TSC22D2: variants seen among roughly 807,000 people sequenced by gnomAD.
The protein encoded by TSC22D2 is TSC22 domain family protein 2.
Under a neutral mutation model 50.1 loss-of-function variants are expected in TSC22D2, and 5 were observed. The observed-to-expected ratio is 0.10, with a 90% confidence interval of 0.05 to 0.21. The LOEUF (loss-of-function observed/expected upper bound fraction) is 0.21. Ranked by LOEUF, TSC22D2 falls within the 10% of genes least tolerant of loss-of-function variation. TSC22D2 has a pLI of 1.00. For synonymous variants in TSC22D2, 501 were observed against 450.1 expected (o/e 1.11, Z -1.43); for missense variants, 1,003 against 1,015.5 (o/e 0.99, Z 0.17).
intron 1 of TSC22D2, among the ~76,000 whole-genome samples, chr3:150,427,412 T>G (rs1367708896): frequency 6.6e-6 from 1 of 152,146 alleles, no homozygotes; most frequent in Non-Finnish European, 1.5e-5. Context: ...GTGTTTTGTG[T>G]CTGACCTCTT....
At position 150,466,190 on chromosome 3, in the gene TSC22D2, A is replaced by AC. The variant is rs1164662562; in HGVS notation, c.*7554_*7555insC. 1.7e-5 allele frequency: 2 copies of AC among 115,598 alleles called. No homozygotes were observed. Among genetic ancestry groups the AC allele is most frequent in the African/African-American group, 7.0e-5 (2 of 28,470 alleles). 7.2% of individuals were successfully genotyped at this position (115,598 alleles called of 1,614,324 possible). On this transcript the variant is annotated 3_prime_UTR_variant, in exon 3 of 3. Coordinates refer to ENST00000688009, the MANE Select transcript of TSC22D2 (RefSeq NM_001303264.2). ...TATGATACTAGTGATGTTAAATCAC[A>AC]TCACACACACACACACACACACACA...
At position 150,464,245 on chromosome 3, in the gene TSC22D2, A is replaced by G. The variant is rs959578632; in HGVS notation, c.*5609A>G. On this transcript the variant is annotated 3_prime_UTR_variant, in exon 3 of 3. Coordinates refer to ENST00000688009, the MANE Select transcript of TSC22D2 (RefSeq NM_001303264.2). ...CTTGCTGTCATTTCACAGGCATGCA[A>G]TGTATCTATAGATAGGTCATATCAT... is the stretch of plus-strand genomic sequence containing the variant. 2.0e-5 allele frequency: 3 copies of G among 152,102 alleles called. No homozygotes were observed. Among genetic ancestry groups the G allele is most frequent in the African/African-American group, 4.8e-5 (2 of 41,418 alleles). 9.4% of individuals were successfully genotyped at this position (152,102 alleles called of 1,614,324 possible).
Position 150,458,516 on chromosome 3 carries a change from A to G in TSC22D2, c.2151A>G (p.Gln717=), listed in dbSNP as rs150402478. 139 of 1,614,180 alleles carry G rather than the reference A, an allele frequency of 8.6e-5. No homozygotes were observed. The African/African-American group carries it at 1.3e-3, about 15-fold the overall frequency. The stretch of plus-strand genomic sequence containing the variant: ...TAAAATCTCTTTCAAGCAATGATCA[A>G]TTATCCCAACTCCCAACCCAACAGG... The part of the protein sequence containing the change: ...ALLKSLSSND[Q]LSQLPTQQAN... The change falls in exon 3 of 3, where the codon CAA becomes CAG. Residue 717 remains glutamine (Q), a synonymous_variant. Transcript: ENST00000688009.
intron 1 of TSC22D2, among the ~76,000 whole-genome samples, chr3:150,415,789 T>C (rs1425170582): frequency 6.6e-6 from 1 of 152,156 alleles, no homozygotes; most frequent in Non-Finnish European, 1.5e-5. Flanking sequence ...CACTGAAGCC[T>C]GGGCCACACA....
At chr3:150,431,345 A>G (rs1298820082) in intron 1 of TSC22D2, among the ~76,000 whole-genome samples, 5 of 152,052 alleles carry the variant, frequency 3.3e-5, no homozygotes, top group Admixed American at 6.5e-5. Flanking sequence ...ATAATTACCA[A>G]ATTCAGGGTA....
At chr3:150,417,333 G>A (rs1719849934) in intron 1 of TSC22D2, among the ~76,000 whole-genome samples, 2 of 152,072 alleles carry the variant, frequency 1.3e-5, no homozygotes, top group Admixed American at 1.3e-4. Flanking sequence ...AGTTTCTAAA[G>A]TAGAGTTAGT....
chr3:150,421,344 C>CA (rs545165349), intron 1 of TSC22D2, among the ~76,000 whole-genome samples: 61 of 146,028 alleles, frequency 4.2e-4, no homozygotes, highest in African/African-American at 7.8e-4. Flanking sequence ...AAACAACAAC[C>CA]AAAAAAAAAA....
At chr3:150,448,732 G>A (rs897120603) in intron 1 of TSC22D2, among the ~76,000 whole-genome samples, 6 of 151,892 alleles carry the variant, frequency 4.0e-5, no homozygotes, top group Middle Eastern at 3.4e-3. Context: ...GTTTTAAAAC[G>A]AAGTTTCTTT....
At chr3:150,418,992 T>G (rs771711796) in intron 1 of TSC22D2, among the ~76,000 whole-genome samples, 3 of 152,078 alleles carry the variant, frequency 2.0e-5, no homozygotes, top group Non-Finnish European at 4.4e-5. Context: ...TCTGTTTCCC[T>G]CAATATTACC....
rs1260476342 is a variant in TSC22D2 at position 150,412,700 on chromosome 3, G to A, written c.1958+1392G>A. 2.0e-5 allele frequency among the ~76,000 whole-genome samples: 3 copies of A among 152,124 alleles called. No individual in the cohort carries two copies. The East Asian group carries it at 5.8e-4, about 29-fold the overall frequency. Reference sequence around the variant, plus strand: ...AAGTGAGCTCAGCTAGCTAGTCATTGAGAAATTTTGTGTGTGTGGGACTAC... The same window carrying A: ...AAGTGAGCTCAGCTAGCTAGTCATTAAGAAATTTTGTGTGTGTGGGACTAC... On this transcript the variant is annotated intron_variant, in intron 1 of 2. Coordinates refer to ENST00000688009, the MANE Select transcript of TSC22D2 (RefSeq NM_001303264.2).
intron 1 of TSC22D2, among the ~76,000 whole-genome samples, chr3:150,428,248 T>C (rs149172214): frequency 1.8e-4 from 28 of 152,254 alleles, no homozygotes; most frequent in African/African-American, 6.3e-4. Context: ...CAGTTGCTAT[T>C]CTCACAGGAC....
At chr3:150,447,473 A>C (rs911719523) in intron 1 of TSC22D2, among the ~76,000 whole-genome samples, 3 of 152,308 alleles carry the variant, frequency 2.0e-5, no homozygotes, top group East Asian at 1.9e-4. Context: ...CCTTCTCTCT[A>C]TATTTCTCCA....
chr3:150,461,557 C>G lies in TSC22D2; in HGVS notation c.*2921C>G, dbSNP rs1232963293. ...TCTACAATTCAAACCTAACTTTCCC[C>G]AAATAAAATTTAGTTTGTTCCGATG... is the stretch of plus-strand genomic sequence containing the variant. On this transcript the variant is annotated 3_prime_UTR_variant, in exon 3 of 3. Transcript: ENST00000688009. 1 of 152,110 alleles carries G rather than the reference C, an allele frequency of 6.6e-6. No individual in the cohort carries two copies. Among genetic ancestry groups the G allele is most frequent in the Non-Finnish European group, 1.5e-5 (1 of 68,028 alleles). The allele number at this position is 152,110 out of a possible 1,614,324, so 9.4% of individuals were successfully genotyped here.
intron 1 of TSC22D2, among the ~76,000 whole-genome samples, chr3:150,421,014 C>T (rs1013805405): frequency 6.6e-6 from 1 of 152,212 alleles, no homozygotes; most frequent in African/African-American, 2.4e-5. Flanking sequence ...ACCCAGGAGG[C>T]AGAGGTTGCA....
chr3:150,436,346 AGGCCCTTTAACAAAGGGTCAAGCAGTC>A (rs535072473), intron 1 of TSC22D2, among the ~76,000 whole-genome samples: 1 of 151,990 alleles, frequency 6.6e-6, no homozygotes, highest in Non-Finnish European at 1.5e-5. Flanking sequence ...TTTTGTTGGC[AGGCCCTTTAACAAAGGGTCAAGCAGTC>A]GGCCCTTTAA....
intron 1 of TSC22D2, among the ~76,000 whole-genome samples, chr3:150,446,940 T>G (rs1412773452): frequency 2.0e-5 from 3 of 152,220 alleles, no homozygotes; most frequent in Admixed American, 2.0e-4. Context: ...AATTATGCTT[T>G]TTCTAGAAAG....
At chr3:150,450,161 G>T (rs942684397) in intron 1 of TSC22D2, among the ~76,000 whole-genome samples, 1 of 152,036 alleles carries the variant, frequency 6.6e-6, no homozygotes, top group African/African-American at 2.4e-5. Context: ...CGCTTTACTG[G>T]CTAGCCATTT....
At chr3:150,421,720 T>C (rs1221146852) in intron 1 of TSC22D2, among the ~76,000 whole-genome samples, 5 of 152,170 alleles carry the variant, frequency 3.3e-5, no homozygotes, top group African/African-American at 1.2e-4. Flanking sequence ...GCACAGACTT[T>C]AAGGCTCTTA....
intron 1 of TSC22D2, among the ~76,000 whole-genome samples, chr3:150,426,658 A>T (rs1417063776): frequency 6.6e-6 from 1 of 152,214 alleles, no homozygotes; most frequent in African/African-American, 2.4e-5. Context: ...AAATGTACTT[A>T]AAACAAGTGA....
Sources: gnomAD v4.1 joint callset for allele counts (sites outside exome capture counted in the v4.1 genomes callset) on GRCh38, gnomAD v4.1.1 for gene constraint, MANE v1.5 for transcripts, NCBI Gene and HGNC (gene_info 2026-07-23, HGNC 2026-07-21) for gene names.